The following AFG2A variants were observed in gnomAD, a reference collection of about 807,000 sequenced individuals.
AFG2A encodes AAA ATPase AFG2A, also known as ATPase family gene 2 protein homolog A.
At chr4:123,024,227 C>CAAAAAAAAAAAAAAAAAAAAAAA in the AFG2A span, among the ~76,000 whole-genome samples, 2 of 123,660 alleles carry the variant, frequency 1.6e-5, no homozygotes, top group East Asian at 2.3e-4. Context: ...AGACTATAAG[C>CAAAAAAAAAAAAAAAAAAAAAAA]AAAAAAAAAA....
the AFG2A span, among the ~76,000 whole-genome samples, chr4:123,135,920 C>T: frequency 7.2e-5 from 11 of 152,010 alleles, no homozygotes; most frequent in Admixed American, 2.6e-4. Context: ...TCAACCTACA[C>T]AAACCAGTAG....
the AFG2A span, among the ~76,000 whole-genome samples, chr4:123,290,296 CCTTAGGTTTT>C: frequency 6.6e-6 from 1 of 152,086 alleles, no homozygotes; most frequent in Admixed American, 6.6e-5. Flanking sequence ...CAGCAATCTT[CCTTAGGTTTT>C]CTTTAGTATT....
At chr4:123,015,394 G>A in the AFG2A span, among the ~76,000 whole-genome samples, 1 of 151,812 alleles carries the variant, frequency 6.6e-6, no homozygotes, top group African/African-American at 2.4e-5. Context: ...CTCTTAACGA[G>A]CATGCTGCCT....
chr4:122,923,367 C>T, the AFG2A span: 2 of 1,600,404 alleles, frequency 1.2e-6, no homozygotes, highest in Non-Finnish European at 1.7e-6. Flanking sequence ...GCGGGAGACT[C>T]AGTGATACTG....
the AFG2A span, among the ~76,000 whole-genome samples, chr4:123,062,566 A>T: frequency 6.6e-6 from 1 of 152,142 alleles, no homozygotes; most frequent in African/African-American, 2.4e-5. Context: ...ATATATAGCA[A>T]TAAGCCATAT....
the AFG2A span, among the ~76,000 whole-genome samples, chr4:123,109,153 GTTGTATTTATGTTTTAT>G: frequency 6.6e-6 from 1 of 152,088 alleles, no homozygotes; most frequent in Admixed American, 6.6e-5. Flanking sequence ...TGTGTCGGTT[GTTGTATTTATGTTTTAT>G]CTTTGCTTGT....
chr4:122,939,095 T>G, the AFG2A span, among the ~76,000 whole-genome samples: 2 of 137,576 alleles, frequency 1.5e-5, no homozygotes, highest in East Asian at 2.1e-4. Context: ...TTTTTTTTTT[T>G]TTTTTTGGAG....
the AFG2A span, among the ~76,000 whole-genome samples, chr4:123,208,913 T>C: frequency 6.6e-6 from 1 of 152,198 alleles, no homozygotes; most frequent in African/African-American, 2.4e-5. Context: ...GCTGATGAGT[T>C]GACTAGTGGC....
At chr4:123,165,074 TA>T in the AFG2A span, among the ~76,000 whole-genome samples, 57 of 149,296 alleles carry the variant, frequency 3.8e-4, no homozygotes, top group South Asian at 1.3e-3. Context: ...GAGTGAACTG[TA>T]AAAAAAAAAT....
the AFG2A span, among the ~76,000 whole-genome samples, chr4:123,014,875 C>T: frequency 5.3e-5 from 8 of 152,106 alleles, no homozygotes; most frequent in African/African-American, 1.9e-4. Context: ...AAATCAAGAG[C>T]AATTAGTGGC....
chr4:123,066,733 G>A, the AFG2A span, among the ~76,000 whole-genome samples: 2 of 152,084 alleles, frequency 1.3e-5, no homozygotes, highest in East Asian at 3.9e-4. Flanking sequence ...CATTTTTCTG[G>A]TAAACAGTTT....
the AFG2A span, among the ~76,000 whole-genome samples, chr4:123,304,720 T>C: frequency 1.3e-5 from 2 of 152,180 alleles, no homozygotes; most frequent in African/African-American, 4.8e-5. Flanking sequence ...AGAAGCACAT[T>C]TCGGCCTCAG....
At chr4:123,017,142 A>G in the AFG2A span, among the ~76,000 whole-genome samples, 1 of 82,724 alleles carries the variant, frequency 1.2e-5, no homozygotes, top group Non-Finnish European at 2.7e-5. Context: ...CCGTGGGGAG[A>G]GGGAGAGGGG....
chr4:122,982,847 T>G, the AFG2A span, among the ~76,000 whole-genome samples: 1 of 150,734 alleles, frequency 6.6e-6, no homozygotes, highest in South Asian at 2.1e-4. Flanking sequence ...TCTCAGTTTA[T>G]TTACTTTAAT....
the AFG2A span, among the ~76,000 whole-genome samples, chr4:123,307,297 C>T: frequency 2.0e-5 from 3 of 152,182 alleles, no homozygotes; most frequent in Non-Finnish European, 1.5e-5. Context: ...CACACCACTA[C>T]ACCCAGCTCC....
At chr4:123,192,267 T>C in the AFG2A span, among the ~76,000 whole-genome samples, 1 of 152,182 alleles carries the variant, frequency 6.6e-6, no homozygotes, top group Non-Finnish European at 1.5e-5. Flanking sequence ...GCTTAAGCAA[T>C]CTACCTGCCT....
At chr4:122,939,374 G>T in the AFG2A span, among the ~76,000 whole-genome samples, 1 of 152,008 alleles carries the variant, frequency 6.6e-6, no homozygotes, top group African/African-American at 2.4e-5. Flanking sequence ...GAGCCACCGC[G>T]CCCAGCCGGG....
At chr4:123,053,132 C>T in the AFG2A span, among the ~76,000 whole-genome samples, 48 of 152,314 alleles carry the variant, frequency 3.2e-4, no homozygotes, top group Middle Eastern at 3.4e-3. Flanking sequence ...AAGTGTTAAT[C>T]TCCTCCGGCA....
the AFG2A span, among the ~76,000 whole-genome samples, chr4:123,128,393 T>C: frequency 6.6e-6 from 1 of 152,152 alleles, no homozygotes; most frequent in South Asian, 2.1e-4. Flanking sequence ...GCTTTTTGTT[T>C]TCTTAGTTTA....
Sources: gnomAD v4.1 joint callset for allele counts (sites outside exome capture counted in the v4.1 genomes callset) on GRCh38, gnomAD v4.1.1 for gene constraint, MANE v1.5 for transcripts, NCBI Gene and HGNC (gene_info 2026-07-23, HGNC 2026-07-21) for gene names.